TLN2: variants seen among roughly 807,000 people sequenced by gnomAD.
TLN2 encodes the protein talin 2, also known as talin-2.
Under a neutral mutation model 294.7 loss-of-function variants are expected in TLN2, and 118 were observed. That is an observed-to-expected ratio of 0.40 (90% CI 0.34 to 0.47). The LOEUF (loss-of-function observed/expected upper bound fraction) is 0.47. Among genes scored for constraint, TLN2 ranks in the 20% least tolerant of loss-of-function variants. The pLI, the probability that TLN2 is intolerant of heterozygous loss-of-function variation, is 0.84. For missense variants in TLN2, 3,083 were observed against 3,282.2 expected, an observed-to-expected ratio of 0.94 and a Z score of 1.48; for synonymous variants, 1,431 against 1,304.5, an observed-to-expected ratio of 1.10 and a Z score of -2.09.
At chr15:62,469,021 A>C (rs2037315691) in intron 1 of TLN2, among the ~76,000 whole-genome samples, 1 of 152,200 alleles carries the variant, frequency 6.6e-6, no homozygotes, top group South Asian at 2.1e-4. Context: ...TATATGATGT[A>C]ATAAAGATAA....
chr15:62,523,848 G>A (rs1411887277), intron 1 of TLN2, among the ~76,000 whole-genome samples: 1 of 152,168 alleles, frequency 6.6e-6, no homozygotes, highest in African/African-American at 2.4e-5. Flanking sequence ...AAGACAAAAG[G>A]CAACTAAATT....
Position 62,737,220 on chromosome 15 carries a change from A to G in TLN2, c.3567+134A>G, listed in dbSNP as rs186207600. On this transcript the variant is annotated intron_variant, in intron 29 of 58. Transcript: ENST00000636159. ...ATGTTTTCAGAAACTTCCAAAGGTC[A>G]TAACGATGCTGGCCATACATGATAC... 99 of 899,400 alleles carry G rather than the reference A, an allele frequency of 1.1e-4. 1 individual carries two copies. The highest frequency in any genetic ancestry group is 7.5e-4 in the Admixed American group (33 of 44,240). 55.7% of individuals were successfully genotyped at this position (899,400 alleles called of 1,614,324 possible). A position where few individuals can be genotyped will look rare whatever the true frequency, so the allele number is the denominator to read the frequency against.
rs781399224 is a variant in TLN2, at chr15:62,708,565, G to A, written c.2236G>A (p.Val746Met). ...GCAGCTGATTGAAGCAGGGAAGCTG[G>A]TGGACCGCTCGGTGGAGAACTGTGT... ...QEQLIEAGKL[V>M]DRSVENCVRA... Residue 746 changes from valine to methionine, a missense_variant, in exon 21 of 59, where the codon GTG becomes ATG. Coordinates refer to ENST00000636159, the MANE Select transcript of TLN2 (RefSeq NM_015059.3). 2.5e-6 allele frequency: 4 copies of A among 1,614,194 alleles called. No individual in the cohort carries two copies. The Admixed American group carries it at 5.0e-5, about 20-fold the overall frequency.
At chr15:62,492,578 C>G (rs1230373163) in intron 1 of TLN2, among the ~76,000 whole-genome samples, 15 of 148,602 alleles carry the variant, frequency 1.0e-4, no homozygotes, top group Admixed American at 1.0e-3. Flanking sequence ...AGAAAAAAAA[C>G]TATTCCAATA....
rs1036963430 is a variant in TLN2, at chr15:62,546,182, T to C, written c.-237-43505T>C. ...CACTGATTTCTGTCTTCACTACCTC[T>C]GACGGGGGCTCTTTCCTGACCTGTT... On this transcript the variant is annotated intron_variant, in intron 1 of 58. Transcript: ENST00000636159. 2.0e-5 allele frequency among the ~76,000 whole-genome samples: 3 copies of C among 152,202 alleles called. No homozygotes were observed. The East Asian group carries it at 5.8e-4, about 29-fold the overall frequency.
chr15:62,517,077 C>G (rs1351986121), intron 1 of TLN2, among the ~76,000 whole-genome samples: 1 of 152,190 alleles, frequency 6.6e-6, no homozygotes, highest in Non-Finnish European at 1.5e-5. Flanking sequence ...GATGAAAGAG[C>G]TAATAATATT....
chr15:62,771,214 G>A, intron 42 of TLN2, 80 bp downstream of exon 42: 1 of 1,404,870 alleles, frequency 7.1e-7, no homozygotes, highest in Non-Finnish European at 9.4e-7. Flanking sequence ...GTCCTTCCAG[G>A]AGAAAACACT....
rs377392713 is a variant in TLN2 at position 62,507,092 on chromosome 15, T to C, written c.-237-82595T>C. Among the ~76,000 whole-genome samples, 28 of 152,278 alleles carry C rather than the reference T, an allele frequency of 1.8e-4. No individual in the cohort carries two copies. In the East Asian group the frequency reaches 3.5e-3, roughly 19 times the overall value. Reference sequence around the variant, plus strand: ...ATTTTAAGATTATTTAATCTCGTTTTCCCCCAAAGAATTGATCCAGAAATT... The same window carrying C: ...ATTTTAAGATTATTTAATCTCGTTTCCCCCCAAAGAATTGATCCAGAAATT... On this transcript the variant is annotated intron_variant, in intron 1 of 58. Transcript: ENST00000636159.
chr15:62,738,647 G>A (rs916221826), intron 30 of TLN2, among the ~76,000 whole-genome samples: 1 of 152,162 alleles, frequency 6.6e-6, no homozygotes, highest in African/African-American at 2.4e-5. Context: ...TCAGGTGTTG[G>A]AAGGGTACGT....
chr15:62,680,191 T>C (rs2056690052), intron 11 of TLN2, among the ~76,000 whole-genome samples: 1 of 152,220 alleles, frequency 6.6e-6, no homozygotes. Context: ...AACAAACTTA[T>C]CTATGTCTAC....
At chr15:62,458,025 G>A (rs543868584) in intron 1 of TLN2, among the ~76,000 whole-genome samples, 4 of 152,364 alleles carry the variant, frequency 2.6e-5, no homozygotes, top group Admixed American at 2.6e-4. Flanking sequence ...CGACATGATG[G>A]TCAGGTCTGG....
At chr15:62,530,763 A>G (rs1300053611) in intron 1 of TLN2, among the ~76,000 whole-genome samples, 1 of 152,236 alleles carries the variant, frequency 6.6e-6, no homozygotes, top group Non-Finnish European at 1.5e-5. Flanking sequence ...ACACTGTTGT[A>G]CTTTCTGATC....
At chr15:62,817,659 G>T (rs918099249) in intron 52 of TLN2, among the ~76,000 whole-genome samples, 4 of 152,014 alleles carry the variant, frequency 2.6e-5, no homozygotes, top group African/African-American at 9.7e-5. Flanking sequence ...TAGTCCTGGG[G>T]TCTAAAAACC....
chr15:62,415,663 C>T (rs1016668571), intron 1 of TLN2, among the ~76,000 whole-genome samples: 42 of 152,320 alleles, frequency 2.8e-4, no homozygotes, highest in African/African-American at 9.1e-4. Flanking sequence ...GGAAGAGGCC[C>T]GCTGCCAGGC....
intron 11 of TLN2, among the ~76,000 whole-genome samples, chr15:62,682,091 C>G (rs1343157541): frequency 2.6e-5 from 4 of 152,122 alleles, no homozygotes; most frequent in African/African-American, 9.7e-5. Context: ...CTGAACTCTT[C>G]CCACACTTCC....
At chr15:62,628,780 C>T (rs920774978) in intron 3 of TLN2, among the ~76,000 whole-genome samples, 3 of 152,222 alleles carry the variant, frequency 2.0e-5, no homozygotes, top group Non-Finnish European at 4.4e-5. Context: ...TACCTTCTTC[C>T]ACTCTAGGAA....
chr15:62,621,632 A>G (rs1265317808), intron 3 of TLN2, among the ~76,000 whole-genome samples: 2 of 152,206 alleles, frequency 1.3e-5, no homozygotes, highest in East Asian at 1.9e-4. Flanking sequence ...AGGTACTTAT[A>G]TGTTTGAGAA....
intron 28 of TLN2, among the ~76,000 whole-genome samples, chr15:62,730,464 G>T (rs149309618): frequency 6.6e-6 from 1 of 151,972 alleles, no homozygotes; most frequent in African/African-American, 2.4e-5. Flanking sequence ...TTCCTTCTGC[G>T]TCTCCAGGAG....
rs2065476266 is a variant in TLN2 at position 62,796,347 on chromosome 15, C to A, written c.6050+54C>A. ...TTCAGGCTGGCCTGCCCCTGAAACT[C>A]ATGATCGACTTGGAGACGCCACCTG... On this transcript the variant is annotated intron_variant, in intron 47 of 58. Coordinates refer to ENST00000636159, the MANE Select transcript of TLN2 (RefSeq NM_015059.3). The A allele has an allele frequency of 1.9e-6, 3 of 1,550,570 alleles. No homozygotes were observed. The South Asian group carries it at 3.7e-5, about 19-fold the overall frequency.
Sources: allele counts gnomAD v4.1 joint callset (sites outside exome capture counted in the v4.1 genomes callset), GRCh38; gene constraint gnomAD v4.1.1; transcripts MANE v1.5; gene names NCBI Gene and HGNC (gene_info 2026-07-23, HGNC 2026-07-21).